The following ATE1 variants were observed in gnomAD, a reference collection of about 807,000 sequenced individuals.
ATE1 encodes the protein arginyltransferase 1, also known as arginyl-tRNA--protein transferase 1.
A neutral mutation model predicts 70.5 loss-of-function variants in ATE1; 36 were observed. That is an observed-to-expected ratio of 0.51 (90% CI 0.39 to 0.67). ATE1 has a LOEUF of 0.67. Among genes scored for constraint, ATE1 ranks in the 30% least tolerant of loss-of-function variants. The probability of loss-of-function intolerance (pLI) is 0.00; values close to 1 mark genes in which losing one functional copy is unlikely to be tolerated. For synonymous variants in ATE1, 232 were observed against 219.3 expected (o/e 1.06, Z -0.51); for missense variants, 593 against 629.5 (o/e 0.94, Z 0.62).
At chr10:121,883,403 T>C (rs553179743) in intron 7 of ATE1, among the ~76,000 whole-genome samples, 33 of 152,118 alleles carry the variant, frequency 2.2e-4, no homozygotes, top group African/African-American at 7.7e-4. Context: ...AATTACAAAT[T>C]AGAAAGGGAA....
intron 10 of ATE1, among the ~76,000 whole-genome samples, chr10:121,828,502 C>G (rs1948112791): frequency 6.6e-6 from 1 of 152,190 alleles, no homozygotes; most frequent in Non-Finnish European, 1.5e-5. Flanking sequence ...AGTGGCCTCT[C>G]TCTTCAGCAG....
chr10:121,763,663 G>C (rs1945151004), intron 11 of ATE1, among the ~76,000 whole-genome samples: 1 of 152,154 alleles, frequency 6.6e-6, no homozygotes, highest in Admixed American at 6.5e-5. Context: ...TCCTCTGTAG[G>C]ATACACGTCA....
intron 10 of ATE1, among the ~76,000 whole-genome samples, chr10:121,812,533 C>T (rs559572492): frequency 7.9e-5 from 12 of 152,212 alleles, no homozygotes; most frequent in African/African-American, 2.6e-4. Flanking sequence ...AACTCTTCCT[C>T]CCTCGAAATT....
intron 11 of ATE1, among the ~76,000 whole-genome samples, chr10:121,789,308 TTTTTTTTTGAGACAGA>T (rs1426102236): frequency 6.9e-6 from 1 of 144,934 alleles, no homozygotes; most frequent in Non-Finnish European, 1.5e-5. Context: ...TTTTTTTTTT[TTTTTTTTTGAGACAGA>T]GTCTTACACT....
In ATE1 at chr10:121,815,160, C is replaced by T. The variant is rs553162050; in HGVS notation, c.1257+21558G>A. Among the ~76,000 whole-genome samples the T allele has an allele frequency of 4.9e-4, 74 of 152,314 alleles. 2 individuals carry two copies. In the South Asian group the frequency reaches 9.1e-3, roughly 19 times the overall value. ...AATTTTTTTGTTTTTGTTTTTGAGA[C>T]GGAGTCTCGCTGTCGCCCAGGCTGG... On this transcript the variant is annotated intron_variant, in intron 10 of 11. Coordinates refer to ENST00000224652, the MANE Select transcript of ATE1 (RefSeq NM_001001976.3).
intron 1 of ATE1, among the ~76,000 whole-genome samples, chr10:121,926,009 C>T (rs1952074627): frequency 6.6e-6 from 1 of 151,948 alleles, no homozygotes; most frequent in African/African-American, 2.4e-5. Context: ...AGTTCAAGAC[C>T]AAGCCTGGCC....
chr10:121,776,319 C>T (rs764425083), intron 11 of ATE1, among the ~76,000 whole-genome samples: 7 of 109,066 alleles, frequency 6.4e-5, no homozygotes, highest in Admixed American at 3.4e-4. Context: ...TCTTCCCTCC[C>T]CACCATCCTG....
chr10:121,833,937 C>T (rs1032701864), intron 10 of ATE1, among the ~76,000 whole-genome samples: 2 of 152,028 alleles, frequency 1.3e-5, no homozygotes, highest in Non-Finnish European at 2.9e-5. Context: ...AATCTGATGC[C>T]CATGGTTGAT....
At chr10:121,749,571 A>C (rs1944500803) in intron 11 of ATE1, among the ~76,000 whole-genome samples, 1 of 152,222 alleles carries the variant, frequency 6.6e-6, no homozygotes, top group Non-Finnish European at 1.5e-5. Context: ...TGAACTCAAC[A>C]AACTGTCTTG....
chr10:121,806,413 A>G (rs894903871), intron 10 of ATE1, among the ~76,000 whole-genome samples: 2 of 152,118 alleles, frequency 1.3e-5, no homozygotes, highest in Non-Finnish European at 2.9e-5. Flanking sequence ...TATTCACACC[A>G]CTGTACTTTA....
chr10:121,755,101 A>T (rs1234639577), intron 11 of ATE1, among the ~76,000 whole-genome samples: 1 of 152,222 alleles, frequency 6.6e-6, no homozygotes, highest in African/African-American at 2.4e-5. Context: ...CAGGATCCTC[A>T]CTTGAACCTT....
chr10:121,918,175 A>T (rs959362092), intron 3 of ATE1, among the ~76,000 whole-genome samples: 2 of 152,194 alleles, frequency 1.3e-5, no homozygotes, highest in African/African-American at 4.8e-5. Flanking sequence ...TCTACTAAAA[A>T]TACAAAAATT....
intron 11 of ATE1, among the ~76,000 whole-genome samples, chr10:121,788,515 T>A (rs1460763778): frequency 6.6e-6 from 1 of 152,152 alleles, no homozygotes; most frequent in Non-Finnish European, 1.5e-5. Flanking sequence ...ACAAAATACA[T>A]TACATGGGCC....
intron 3 of ATE1, among the ~76,000 whole-genome samples, chr10:121,916,732 G>A (rs1388121503): frequency 6.6e-6 from 1 of 152,100 alleles, no homozygotes; most frequent in South Asian, 2.1e-4. Flanking sequence ...CTACTCGGGA[G>A]GCTAAGGCAG....
chr10:121,896,119 C>T (rs1234498123), intron 7 of ATE1, among the ~76,000 whole-genome samples: 1 of 152,182 alleles, frequency 6.6e-6, no homozygotes, highest in Non-Finnish European at 1.5e-5. Context: ...GCCCAAGTGT[C>T]ATTTTAACGT....
intron 6 of ATE1, among the ~76,000 whole-genome samples, chr10:121,900,783 T>C (rs1950951515): frequency 6.6e-6 from 1 of 152,178 alleles, no homozygotes; most frequent in Admixed American, 6.5e-5. Context: ...TATCATTACA[T>C]TCAAAAAGTA....
At chr10:121,819,101 A>G (rs1947680101) in intron 10 of ATE1, among the ~76,000 whole-genome samples, 1 of 152,266 alleles carries the variant, frequency 6.6e-6, no homozygotes, top group Non-Finnish European at 1.5e-5. Flanking sequence ...ATAAAAGAAG[A>G]TAATTCACTA....
chr10:121,752,980 G>A (rs968939925), intron 11 of ATE1, among the ~76,000 whole-genome samples: 99 of 152,128 alleles, frequency 6.5e-4, no homozygotes, highest in African/African-American at 2.3e-3. Context: ...CATGGACATG[G>A]GATGTTTTCT....
At chr10:121,864,928 A>G (rs1949610764) in intron 8 of ATE1, among the ~76,000 whole-genome samples, 1 of 152,174 alleles carries the variant, frequency 6.6e-6, no homozygotes, top group Non-Finnish European at 1.5e-5. Context: ...CCTCACAACA[A>G]AGAATTATCC....
Sources: gnomAD v4.1 joint callset for allele counts (sites outside exome capture counted in the v4.1 genomes callset) on GRCh38, gnomAD v4.1.1 for gene constraint, MANE v1.5 for transcripts, NCBI Gene and HGNC (gene_info 2026-07-23, HGNC 2026-07-21) for gene names.